Variants in DOCK8 observed in about 807,000 individuals in gnomAD.
DOCK8 encodes dedicator of cytokinesis 8, also known as dedicator of cytokinesis protein 8.
DOCK8 carries 141 observed loss-of-function variants against 245.6 expected under a neutral mutation model. The observed-to-expected ratio is 0.57, with a 90% CI of 0.50 to 0.66. The LOEUF (loss-of-function observed/expected upper bound fraction) is 0.66. DOCK8 is among the 30% of genes least tolerant of loss of function. The pLI, the probability that DOCK8 is intolerant of heterozygous loss-of-function variation, is 0.00. For synonymous variants in DOCK8, 1,168 were observed against 970.2 expected, an observed-to-expected ratio of 1.20 and a Z score of -3.79; for missense variants, 2,965 against 2,603.4, an observed-to-expected ratio of 1.14 and a Z score of -3.02.
At chr9:377,652 A>C (rs907170048) in intron 20 of DOCK8, among the ~76,000 whole-genome samples, 1 of 152,214 alleles carries the variant, frequency 6.6e-6, no homozygotes, top group Admixed American at 6.5e-5. Context: ...CACTATTTTA[A>C]AGTGTATAGT....
At chr9:347,143 C>A (rs1167494549) in intron 14 of DOCK8, among the ~76,000 whole-genome samples, 1 of 152,092 alleles carries the variant, frequency 6.6e-6, no homozygotes, top group East Asian at 1.9e-4. Flanking sequence ...ATCAAAGCGT[C>A]CCCCTCCTTC....
intron 1 of DOCK8, among the ~76,000 whole-genome samples, chr9:232,964 C>T (rs993166383): frequency 2.0e-5 from 3 of 152,052 alleles, no homozygotes; most frequent in South Asian, 2.1e-4. Context: ...GCTCTTGCTT[C>T]TCTAGTTCTT....
chr9:394,632 C>A (rs967358779), intron 24 of DOCK8, among the ~76,000 whole-genome samples: 1 of 152,240 alleles, frequency 6.6e-6, no homozygotes, highest in Non-Finnish European at 1.5e-5. Flanking sequence ...CTAGAAACTG[C>A]TGAGCCAGAC....
At chr9:427,227 C>A (rs2056535824) in intron 34 of DOCK8, among the ~76,000 whole-genome samples, 1 of 152,124 alleles carries the variant, frequency 6.6e-6, no homozygotes, top group Non-Finnish European at 1.5e-5. Context: ...GGCCAGCTGA[C>A]CCTCTTGGTT....
intron 1 of DOCK8, among the ~76,000 whole-genome samples, chr9:258,681 T>A (rs1364423133): frequency 7.1e-6 from 1 of 140,672 alleles, no homozygotes; most frequent in Non-Finnish European, 1.5e-5. Flanking sequence ...TACTGCAACC[T>A]CTGCCTCCCG....
chr9:325,807 T>A, intron 8 of DOCK8, 70 bp downstream of exon 8: 1 of 1,344,486 alleles, frequency 7.4e-7, no homozygotes, highest in Non-Finnish European at 1.0e-6. Flanking sequence ...TGTATGTTTT[T>A]AAATTTCTTT....
At chr9:456,375 T>C (rs544930596) in intron 46 of DOCK8, 1 of 152,326 alleles carries the variant, frequency 6.6e-6, no homozygotes, top group African/African-American at 2.4e-5. Flanking sequence ...TGGAAAATAT[T>C]TGGGGCTTGA....
intron 39 of DOCK8, among the ~76,000 whole-genome samples, chr9:437,166 A>T (rs2056932914): frequency 6.6e-6 from 1 of 152,212 alleles, no homozygotes; most frequent in African/African-American, 2.4e-5. Flanking sequence ...GTAAAAATGG[A>T]ATTTATCAGC....
At chr9:431,472 G>A (rs987132341) in intron 36 of DOCK8, among the ~76,000 whole-genome samples, 5 of 152,136 alleles carry the variant, frequency 3.3e-5, no homozygotes, top group South Asian at 2.1e-4. Flanking sequence ...TTGCTTACCC[G>A]GAGTTCAAAA....
At chr9:250,534 C>T (rs939736255) in intron 1 of DOCK8, among the ~76,000 whole-genome samples, 4 of 152,172 alleles carry the variant, frequency 2.6e-5, no homozygotes, top group Non-Finnish European at 2.9e-5. Context: ...GGGATTCCCC[C>T]ATGTTTTTTC....
chr9:230,617 A>C lies in DOCK8; in HGVS notation c.53+15588A>C, dbSNP rs1489190971. 1.7e-4 allele frequency among the ~76,000 whole-genome samples: 26 copies of C among 151,938 alleles called. No individual in the cohort carries two copies. The South Asian group carries it at 5.4e-3, about 32-fold the overall frequency. ...TCTAACTGGTGTGAGATGGTATCTCATTGTGGTTTTGATTTGCATTTCTCT... is the reference window on the plus strand; with the variant it reads ...TCTAACTGGTGTGAGATGGTATCTCCTTGTGGTTTTGATTTGCATTTCTCT... On this transcript the variant is annotated intron_variant, in intron 1 of 47. Coordinates refer to ENST00000432829, the MANE Select transcript of DOCK8 (RefSeq NM_203447.4).
intron 44 of DOCK8, 133 bp downstream of exon 44, chr9:446,739 T>A: frequency 1.2e-6 from 1 of 810,512 alleles, no homozygotes; most frequent in Non-Finnish European, 2.1e-6. Context: ...ATTATATGGT[T>A]GTCCTTTCAC....
At position 463,656 on chromosome 9, in the gene DOCK8, A is replaced by T; in HGVS notation, c.6208A>T (p.Lys2070Ter). 8 of 1,613,850 alleles carry T rather than the reference A, an allele frequency of 5.0e-6. No individual in the cohort carries two copies. The highest frequency in any genetic ancestry group is 1.3e-5 in the African/African-American group (1 of 75,048). ...MIERKIPELY[K>*]PIFRVESQKR... Reference sequence around the variant, plus strand: ...CGAGCGGAAAATTCCAGAACTGTACAAGCCAATATTCAGAGTTGAGAGTCA... The same window carrying T: ...CGAGCGGAAAATTCCAGAACTGTACTAGCCAATATTCAGAGTTGAGAGTCA... The change falls in exon 47 of 48, where the codon AAG (lysine) becomes TAG (stop). Residue 2070 changes from lysine (K) to a stop codon, truncating the protein, a stop_gained. Transcript: ENST00000432829. LOFTEE classifies it high-confidence loss of function.
intron 5 of DOCK8, among the ~76,000 whole-genome samples, chr9:309,634 G>A (rs1002945546): frequency 2.6e-5 from 4 of 152,116 alleles, no homozygotes; most frequent in Admixed American, 6.5e-5. Flanking sequence ...AAAGCACACC[G>A]CAGCCAAAAG....
intron 14 of DOCK8, among the ~76,000 whole-genome samples, chr9:346,124 C>T (rs568275289): frequency 6.6e-6 from 1 of 151,750 alleles, no homozygotes; most frequent in Non-Finnish European, 1.5e-5. Flanking sequence ...AAATCACAAG[C>T]AGAAGGACAG....
At chr9:381,275 C>A (rs566521754) in intron 21 of DOCK8, 1 of 152,214 alleles carries the variant, frequency 6.6e-6, no homozygotes, top group Non-Finnish European at 1.5e-5. Flanking sequence ...GATAATCCCT[C>A]ACTGGTCTTT....
chr9:314,900 G>A (rs956020145), intron 6 of DOCK8, among the ~76,000 whole-genome samples: 8 of 152,156 alleles, frequency 5.3e-5, no homozygotes, highest in African/African-American at 1.9e-4. Flanking sequence ...TACAGGAGAA[G>A]CAAAAGTTGG....
chr9:448,506 T>C (rs958325759), intron 44 of DOCK8, among the ~76,000 whole-genome samples: 3 of 152,210 alleles, frequency 2.0e-5, no homozygotes, highest in African/African-American at 7.2e-5. Flanking sequence ...CTGGGTGGCT[T>C]AAACAACTGA....
chr9:373,942 G>T (rs2131235856), intron 18 of DOCK8, among the ~76,000 whole-genome samples: 1 of 152,242 alleles, frequency 6.6e-6, no homozygotes, highest in South Asian at 2.1e-4. Context: ...TAAGCTATAG[G>T]AAAGACCTGA....
Sources: gnomAD v4.1 joint callset for allele counts (sites outside exome capture counted in the v4.1 genomes callset) on GRCh38, gnomAD v4.1.1 for gene constraint, MANE v1.5 for transcripts, NCBI Gene and HGNC (gene_info 2026-07-23, HGNC 2026-07-21) for gene names.